Variants in ZNF462 observed in about 807,000 individuals in gnomAD.
The protein encoded by ZNF462 is zinc finger protein 462.
ZNF462 carries 10 observed loss-of-function variants against 201.9 expected under a neutral mutation model. The ratio of observed to expected loss-of-function variants is 0.05; its 90% CI spans 0.03 to 0.08. The LOEUF is 0.08. ZNF462 is among the 10% of genes least tolerant of loss of function. The pLI is 1.00. For synonymous variants in ZNF462, 1,227 were observed against 1,193.3 expected, an observed-to-expected ratio of 1.03 and a Z score of -0.58; for missense variants, 2,523 against 3,168.3, an observed-to-expected ratio of 0.80 and a Z score of 4.89.
chr9:106,994,271 A>G (rs896150313), intron 10 of ZNF462, among the ~76,000 whole-genome samples: 8 of 152,266 alleles, frequency 5.3e-5, no homozygotes, highest in Non-Finnish European at 1.0e-4. Flanking sequence ...GTTTGGGGAA[A>G]ACAGCAAAAC....
intron 1 of ZNF462, among the ~76,000 whole-genome samples, chr9:106,916,769 T>C (rs927983832): frequency 2.0e-5 from 3 of 152,228 alleles, no homozygotes; most frequent in Non-Finnish European, 2.9e-5. Flanking sequence ...TCATTTATCA[T>C]GGTTGCATTT....
At chr9:106,941,921 T>C (rs1487141248) in intron 7 of ZNF462, among the ~76,000 whole-genome samples, 1 of 152,230 alleles carries the variant, frequency 6.6e-6, no homozygotes, top group Admixed American at 6.5e-5. Context: ...GGCTAGATAG[T>C]AGCCTGTAAA....
intron 7 of ZNF462, among the ~76,000 whole-genome samples, chr9:106,945,537 C>T (rs117000474): frequency 0.018 from 2,754 of 152,194 alleles, 33 homozygotes; most frequent in Middle Eastern, 0.031. Context: ...AATGGAGACT[C>T]CCAAGTGAAT....
chr9:106,864,084 CT>C lies in ZNF462; in HGVS notation c.-31+730del, dbSNP rs1564062596. 2.4e-3 allele frequency among the ~76,000 whole-genome samples: 335 copies of C among 138,620 alleles called. 9 individuals carry two copies. The highest frequency in any genetic ancestry group is 4.3e-3 in the African/African-American group (162 of 37,392). The allele number at this position is 138,620 out of a possible 152,430, so 90.9% of individuals were successfully genotyped here. A position where few individuals can be genotyped will look rare whatever the true frequency, so the allele number is the denominator to read the frequency against. On this transcript the variant is annotated intron_variant, in intron 1 of 12. Transcript: ENST00000277225. ...TCTCTCTCTCTCTCTCTCTCTCTCTCTCTCTCTCTCTCTCTCTCTCTCTCTC... is the reference window on the plus strand; with the variant it reads ...TCTCTCTCTCTCTCTCTCTCTCTCTCCTCTCTCTCTCTCTCTCTCTCTCTC...
chr9:106,944,951 G>T (rs1831039626), intron 7 of ZNF462, among the ~76,000 whole-genome samples: 1 of 152,078 alleles, frequency 6.6e-6, no homozygotes, highest in Non-Finnish European at 1.5e-5. Flanking sequence ...TAGACAATAT[G>T]TAAACAAACG....
At chr9:106,877,726 TCTAA>T (rs1827898653) in intron 1 of ZNF462, among the ~76,000 whole-genome samples, 1 of 152,198 alleles carries the variant, frequency 6.6e-6, no homozygotes, top group Non-Finnish European at 1.5e-5. Context: ...GAGTTGCCAC[TCTAA>T]CTTTGTCCAG....
At chr9:106,882,678 T>C (rs911189274) in intron 1 of ZNF462, among the ~76,000 whole-genome samples, 4 of 152,232 alleles carry the variant, frequency 2.6e-5, no homozygotes, top group Admixed American at 6.5e-5. Context: ...TTTCATAGAA[T>C]TGAGTCTGAA....
rs1277368566 is a variant in ZNF462, at chr9:106,913,770, G to A, written c.-30-9584G>A. Among the ~76,000 whole-genome samples, 2 of 150,138 alleles carry A rather than the reference G, an allele frequency of 1.3e-5. No homozygotes were observed. The stretch of plus-strand genomic sequence containing the variant: ...CTGCCACCAAGCCCGGCTAATTTTT[G>A]TGTGTGTTTTTAATAGAGAAGAGGT... On this transcript the variant is annotated intron_variant, in intron 1 of 12. Transcript: ENST00000277225. The surrounding 1 kb of genome is among the most constrained non-coding windows in gnomAD (Gnocchi z 4.1).
intron 5 of ZNF462, among the ~76,000 whole-genome samples, chr9:106,934,281 G>A (rs1295377538): frequency 3.4e-5 from 5 of 148,260 alleles, no homozygotes; most frequent in South Asian, 2.1e-4. Context: ...ACTCCATAGC[G>A]TGTGCTCTTG....
At chr9:106,893,322 G>C (rs531466876) in intron 1 of ZNF462, among the ~76,000 whole-genome samples, 1 of 152,178 alleles carries the variant, frequency 6.6e-6, no homozygotes, top group Non-Finnish European at 1.5e-5. Flanking sequence ...ATGCTTTGTA[G>C]TCTTTTAAAG....
At position 106,966,239 on chromosome 9, in the gene ZNF462, C is replaced by T. The variant is rs1832064783; in HGVS notation, c.6428-5766C>T. On this transcript the variant is annotated intron_variant, in intron 7 of 12. Transcript: ENST00000277225. This position sits in a 1 kb window ranked among gnomAD's most constrained non-coding sequence, Gnocchi z 4.4. Reference sequence around the variant, plus strand: ...TTGTCCCTTACACAACCTACCCCACCCTCTGATGTACATGTTTTTCTGTTC... The same window carrying T: ...TTGTCCCTTACACAACCTACCCCACTCTCTGATGTACATGTTTTTCTGTTC... Among the ~76,000 whole-genome samples, 2 of 152,008 alleles carry T rather than the reference C, an allele frequency of 1.3e-5. No homozygotes were observed. Among genetic ancestry groups the T allele is most frequent in the Admixed American group, 6.6e-5 (1 of 15,248 alleles).
chr9:106,929,892 A>G lies in ZNF462; in HGVS notation c.5847+133A>G, dbSNP rs987635507. 7.6e-5 allele frequency: 59 copies of G among 774,672 alleles called. No individual in the cohort carries two copies. In the African/African-American group the frequency reaches 9.7e-4, roughly 13 times the overall value. 48.0% of individuals were successfully genotyped at this position (774,672 alleles called of 1,614,324 possible). A position where few individuals can be genotyped will look rare whatever the true frequency, so the allele number is the denominator to read the frequency against. On this transcript the variant is annotated intron_variant, in intron 3 of 12. Transcript: ENST00000277225. The surrounding 1 kb of genome is among the most constrained non-coding windows in gnomAD (Gnocchi z 8.7). ...GCTTGCCAGAGAGCTCAATAAGTCA[A>G]TTAAACATTTCGAGCTTGATTATCT...
At position 106,962,753 on chromosome 9, in the gene ZNF462, T is replaced by C. The variant is rs1831897976; in HGVS notation, c.6428-9252T>C. ...TCCTTCAAGTTTGGCCTCAACCTTA[T>C]TTTCAGGATTAGGCGTTTGTTTTTC... On this transcript the variant is annotated intron_variant, in intron 7 of 12. Transcript: ENST00000277225. The surrounding 1 kb of genome is among the most constrained non-coding windows in gnomAD (Gnocchi z 4.6). Among the ~76,000 whole-genome samples, 1 of 152,034 alleles carries C rather than the reference T, an allele frequency of 6.6e-6. No homozygotes were observed. The highest frequency in any genetic ancestry group is 2.1e-4 in the South Asian group (1 of 4,826).
intron 10 of ZNF462, among the ~76,000 whole-genome samples, chr9:106,990,796 T>G (rs1016073751): frequency 1.3e-5 from 2 of 152,024 alleles, no homozygotes; most frequent in African/African-American, 4.8e-5. Context: ...TTTCTAATCT[T>G]TTTTCCCTAC....
intron 10 of ZNF462, among the ~76,000 whole-genome samples, chr9:107,002,500 A>T (rs531282212): frequency 6.6e-6 from 1 of 152,280 alleles, no homozygotes; most frequent in Admixed American, 6.5e-5. Flanking sequence ...TGATCTGAGA[A>T]CCCAAAATGG....
At chr9:106,988,092 G>A (rs1187959747) in intron 10 of ZNF462, among the ~76,000 whole-genome samples, 1 of 152,134 alleles carries the variant, frequency 6.6e-6, no homozygotes, top group Non-Finnish European at 1.5e-5. Flanking sequence ...ATCAGATAGT[G>A]TGATTGTAGT....
rs1827088876 is a variant in ZNF462, at chr9:106,977,410, A to G, written c.6832+3137A>G. Among the ~76,000 whole-genome samples, 1 of 151,606 alleles carries G rather than the reference A, an allele frequency of 6.6e-6. No individual in the cohort carries two copies. Among genetic ancestry groups the G allele is most frequent in the African/African-American group, 2.4e-5 (1 of 40,866 alleles). ...TCTGAACTGGCCCAGAGACAGAACT[A>G]CTGCTGGCAGAAATAGAGTTTCCAT... On this transcript the variant is annotated intron_variant, in intron 9 of 12. Transcript: ENST00000277225. This position sits in a 1 kb window ranked among gnomAD's most constrained non-coding sequence, Gnocchi z 4.6.
Position 106,972,482 on chromosome 9 carries a change from C to T in ZNF462, c.6695+210C>T, listed in dbSNP as rs1826674437. 6.6e-6 allele frequency among the ~76,000 whole-genome samples: 1 copy of T among 152,108 alleles called. No individual in the cohort carries two copies. Among genetic ancestry groups the T allele is most frequent in the South Asian group, 2.1e-4 (1 of 4,812 alleles). On this transcript the variant is annotated intron_variant, in intron 8 of 12. Coordinates refer to ENST00000277225, the MANE Select transcript of ZNF462 (RefSeq NM_021224.6). This position sits in a 1 kb window ranked among gnomAD's most constrained non-coding sequence, Gnocchi z 4.8. ...GAAGGGATGAAGAGCTATATCAGAACAAATGAGTTTTAAAATTGGAGCAAA... is the reference window on the plus strand; with the variant it reads ...GAAGGGATGAAGAGCTATATCAGAATAAATGAGTTTTAAAATTGGAGCAAA...
Position 107,006,311 on chromosome 9 carries a change from G to C in ZNF462, c.7189+2885G>C, listed in dbSNP as rs1223269939. On this transcript the variant is annotated intron_variant, in intron 11 of 12. Coordinates refer to ENST00000277225, the MANE Select transcript of ZNF462 (RefSeq NM_021224.6). The surrounding 1 kb of genome is among the most constrained non-coding windows in gnomAD (Gnocchi z 4.3). ...TGTGATTTCACAAATGGGAAAATAAGGACCCAGGAAATTTAAGAGCATGTT... is the reference window on the plus strand; with the variant it reads ...TGTGATTTCACAAATGGGAAAATAACGACCCAGGAAATTTAAGAGCATGTT... 6.6e-6 allele frequency among the ~76,000 whole-genome samples: 1 copy of C among 152,034 alleles called. No individual in the cohort carries two copies. The highest frequency in any genetic ancestry group is 2.4e-5 in the African/African-American group (1 of 41,380).
Sources: allele counts gnomAD v4.1 joint callset (sites outside exome capture counted in the v4.1 genomes callset), GRCh38; gene constraint gnomAD v4.1.1; non-coding constraint Gnocchi (gnomAD v3.1); transcripts MANE v1.5; gene names NCBI Gene and HGNC (gene_info 2026-07-23, HGNC 2026-07-21).